RAB3GAP1: variants seen among roughly 807,000 people sequenced by gnomAD.
The protein encoded by RAB3GAP1 is rab3 GTPase-activating protein catalytic subunit.
A neutral mutation model predicts 130.7 loss-of-function variants in RAB3GAP1; 86 were observed. The ratio of observed to expected loss-of-function variants is 0.66; its 90% confidence interval spans 0.55 to 0.79. The LOEUF is 0.79. RAB3GAP1 is among the 30% of genes least tolerant of loss of function. RAB3GAP1 has a pLI of 0.00. For synonymous variants in RAB3GAP1, 367 were observed against 401.7 expected (o/e 0.91, Z 1.03); for missense variants, 1,029 against 1,169.4 (o/e 0.88, Z 1.75).
chr2:135,122,346 G>C (rs1691229638), intron 8 of RAB3GAP1, among the ~76,000 whole-genome samples: 1 of 151,356 alleles, frequency 6.6e-6, no homozygotes, highest in Admixed American at 6.6e-5. Context: ...TCTATGTCTG[G>C]TTAGAAGTTT....
At chr2:135,052,623 A>C in intron 2 of RAB3GAP1, 138 bp downstream of exon 2, 2 of 1,022,084 alleles carry the variant, frequency 2.0e-6, no homozygotes, top group Non-Finnish European at 3.0e-6. Flanking sequence ...CTCCTCCCCC[A>C]GTCTTCTTTG....
chr2:135,160,134 G>A (rs1471597979), intron 19 of RAB3GAP1, among the ~76,000 whole-genome samples: 3 of 152,106 alleles, frequency 2.0e-5, no homozygotes, highest in Admixed American at 2.0e-4. Context: ...ATTTTAAAGT[G>A]GTGAATTTTA....
chr2:135,067,917 TTC>T (rs1689366280), intron 3 of RAB3GAP1, among the ~76,000 whole-genome samples: 1 of 152,080 alleles, frequency 6.6e-6, no homozygotes, highest in Admixed American at 6.5e-5. Flanking sequence ...TAATTTTTTT[TTC>T]TGTAGAAATA....
Position 135,130,577 on chromosome 2 carries a change from G to A in RAB3GAP1, c.1092G>A (p.Leu364=). 1 of 1,613,424 alleles carries A rather than the reference G, an allele frequency of 6.2e-7. No individual in the cohort carries two copies. Among genetic ancestry groups the A allele is most frequent in the Non-Finnish European group, 8.5e-7 (1 of 1,179,674 alleles). ...GKETADITHA[L]SKLTEPASVP... ...AAACTGCTGATATAACTCATGCTTT[G>A]TCAAAATTGACAGAGCCGGCATCAG... is the stretch of plus-strand genomic sequence containing the variant. The change falls in exon 13 of 24, where the codon TTG becomes TTA. Residue 364 remains leucine (L), a synonymous_variant. Transcript: ENST00000264158.
At position 135,115,253 on chromosome 2, in the gene RAB3GAP1, C is replaced by T. The variant is rs749616608; in HGVS notation, c.520C>T (p.Arg174Ter). ...PLFVQIHHKW[R>*]RMYVGECQGP... Reference sequence around the variant, plus strand: ...CTTTGTGCAAATTCACCACAAATGGCGAAGAATGTATGTAGGAGAATGTCA... The same window carrying T: ...CTTTGTGCAAATTCACCACAAATGGTGAAGAATGTATGTAGGAGAATGTCA... The change falls in exon 7 of 24, where the codon CGA becomes TGA. Residue 174 changes from arginine to a stop codon, truncating the protein, a stop_gained. Transcript: ENST00000264158. LOFTEE classifies it high-confidence loss of function. 19 of 1,612,126 alleles carry T rather than the reference C, an allele frequency of 1.2e-5. No homozygotes were observed. Among genetic ancestry groups the T allele is most frequent in the East Asian group, 4.5e-5 (2 of 44,832 alleles).
In RAB3GAP1 at chr2:135,164,652, C is replaced by T. The variant is rs1692578722; in HGVS notation, c.2665C>T (p.His889Tyr). ...EVLVTGAGRG[H>Y]AGRIIHKLFV... is the part of the protein sequence containing the mutation. ...GTTAGTCACCGGTGCAGGAAGAGGA[C>T]ATGCTGGCAGGATCATTCACAAGCT... Residue 889 changes from histidine to tyrosine, a missense_variant, in exon 23 of 24, where the codon CAT becomes TAT. Coordinates refer to ENST00000264158, the MANE Select transcript of RAB3GAP1 (RefSeq NM_012233.3). The T allele has an allele frequency of 6.2e-7, 1 of 1,613,298 alleles. No individual in the cohort carries two copies. The highest frequency in any genetic ancestry group is 8.5e-7 in the Non-Finnish European group (1 of 1,179,580).
intron 23 of RAB3GAP1, among the ~76,000 whole-genome samples, chr2:135,167,096 T>A (rs1404141893): frequency 6.6e-6 from 1 of 152,228 alleles, no homozygotes; most frequent in East Asian, 1.9e-4. Context: ...TGATACTTTA[T>A]ATCAATTTTA....
intron 2 of RAB3GAP1, among the ~76,000 whole-genome samples, chr2:135,053,133 A>G (rs912186771): frequency 2.6e-5 from 4 of 152,208 alleles, no homozygotes; most frequent in African/African-American, 9.7e-5. Context: ...CTGGGACCAC[A>G]GGCACGCGCT....
intron 4 of RAB3GAP1, among the ~76,000 whole-genome samples, chr2:135,091,795 T>C (rs1360950504): frequency 1.3e-5 from 2 of 152,156 alleles, no homozygotes; most frequent in African/African-American, 4.8e-5. Flanking sequence ...TCTATAATTG[T>C]TAATAGGTCA....
At chr2:135,092,279 A>T (rs1199227748) in intron 4 of RAB3GAP1, among the ~76,000 whole-genome samples, 6 of 152,210 alleles carry the variant, frequency 3.9e-5, no homozygotes, top group African/African-American at 1.4e-4. Flanking sequence ...TCTGCCAATT[A>T]ATGAAGGAAA....
At chr2:135,171,766 G>A (rs1304354828), downstream of RAB3GAP1, among the ~76,000 whole-genome samples, 3 of 152,184 alleles carry the variant, frequency 2.0e-5, no homozygotes, top group African/African-American at 4.8e-5. Flanking sequence ...GGGACACCAA[G>A]TGTCAGCAGT....
chr2:135,150,104 A>G (rs1692130922), intron 17 of RAB3GAP1, among the ~76,000 whole-genome samples: 2 of 152,168 alleles, frequency 1.3e-5, no homozygotes, highest in Non-Finnish European at 2.9e-5. Flanking sequence ...AGTGGACCCA[A>G]ATTCCTCTGT....
At chr2:135,068,893 C>T (rs62168955) in intron 3 of RAB3GAP1, among the ~76,000 whole-genome samples, 6,488 of 152,260 alleles carry the variant, frequency 0.043, 190 homozygotes, top group Admixed American at 0.059. Context: ...CATTACACGA[C>T]GTGCTAACTT....
chr2:135,073,194 A>G (rs1249280141), intron 3 of RAB3GAP1, among the ~76,000 whole-genome samples: 1 of 152,208 alleles, frequency 6.6e-6, no homozygotes, highest in Non-Finnish European at 1.5e-5. Flanking sequence ...TCCCTTAAGT[A>G]ATATAAAGCA....
chr2:135,141,523 C>CTGT (rs1483977263), intron 17 of RAB3GAP1, among the ~76,000 whole-genome samples: 2 of 152,060 alleles, frequency 1.3e-5, no homozygotes, highest in Non-Finnish European at 2.9e-5. Context: ...CGCGCCTGGC[C>CTGT]TGTTCACTTT....
At position 135,164,701 on chromosome 2, in the gene RAB3GAP1, G is replaced by T. The variant is rs1288667084; in HGVS notation, c.2709+5G>T. 1.3e-6 allele frequency: 2 copies of T among 1,590,020 alleles called. No individual in the cohort carries two copies. The highest frequency in any genetic ancestry group is 1.7e-6 in the Non-Finnish European group (2 of 1,159,382). On this transcript the variant is annotated splice_donor_5th_base_variant and intron_variant, in intron 23 of 23. Transcript: ENST00000264158. ...CTGTTTGTGAATGCCCAGAGGGTAT[G>T]TGAGAGTCATTATTGACTCCATCAT...
chr2:135,061,783 T>G (rs1031555441), intron 3 of RAB3GAP1, among the ~76,000 whole-genome samples: 2 of 152,200 alleles, frequency 1.3e-5, no homozygotes, highest in Middle Eastern at 3.2e-3. Context: ...AATTTATCAT[T>G]TAACCTTTGT....
At chr2:135,155,347 A>G (rs1311462722) in intron 19 of RAB3GAP1, among the ~76,000 whole-genome samples, 1 of 152,192 alleles carries the variant, frequency 6.6e-6, no homozygotes. Flanking sequence ...AATGAGATAT[A>G]GGAGTAAAAG....
In RAB3GAP1 at chr2:135,164,701, G is replaced by C; in HGVS notation, c.2709+5G>C. On this transcript the variant is annotated splice_donor_5th_base_variant and intron_variant, in intron 23 of 23. Transcript: ENST00000264158. ...CTGTTTGTGAATGCCCAGAGGGTAT[G>C]TGAGAGTCATTATTGACTCCATCAT... is the stretch of plus-strand genomic sequence containing the variant. 6.3e-7 allele frequency: 1 copy of C among 1,590,020 alleles called. No homozygotes were observed. The highest frequency in any genetic ancestry group is 8.6e-7 in the Non-Finnish European group (1 of 1,159,382).
Sources: gnomAD v4.1 joint callset for allele counts (sites outside exome capture counted in the v4.1 genomes callset) on GRCh38, gnomAD v4.1.1 for gene constraint, MANE v1.5 for transcripts, NCBI Gene and HGNC (gene_info 2026-07-23, HGNC 2026-07-21) for gene names.